The following PPTC7 variants were observed in gnomAD, a reference collection of about 807,000 sequenced individuals.
PPTC7 encodes the protein protein phosphatase PTC7 homolog.
PPTC7 carries 6 observed loss-of-function variants against 30.8 expected under a neutral mutation model. The ratio of observed to expected loss-of-function variants is 0.19; its 90% CI spans 0.11 to 0.38. The LOEUF (loss-of-function observed/expected upper bound fraction) is 0.38, where lower values mean the gene tolerates loss of function less well. Ranked by LOEUF, PPTC7 falls within the 10% of genes least tolerant of loss-of-function variation. PPTC7 has a pLI of 1.00. For missense variants in PPTC7, 218 were observed against 404.8 expected, an observed-to-expected ratio of 0.54 and a Z score of 3.96; for synonymous variants, 163 against 168.1, an observed-to-expected ratio of 0.97 and a Z score of 0.23.
chr12:110,560,512 TAAGA>T (rs1338356437), intron 1 of PPTC7, among the ~76,000 whole-genome samples: 1 of 152,168 alleles, frequency 6.6e-6, no homozygotes, highest in Non-Finnish European at 1.5e-5. Flanking sequence ...AGGCTTACTA[TAAGA>T]AAGACTTCTG....
In PPTC7 at chr12:110,536,144, T is replaced by G. The variant is rs919950610; in HGVS notation, c.*893A>C. The G allele has an allele frequency of 6.6e-6, 1 of 152,214 alleles. No individual in the cohort carries two copies. Among genetic ancestry groups the G allele is most frequent in the African/African-American group, 2.4e-5 (1 of 41,450 alleles). The allele number at this position is 152,214 out of a possible 1,614,324, so 9.4% of individuals were successfully genotyped here. A position where few individuals can be genotyped will look rare whatever the true frequency, so the allele number is the denominator to read the frequency against. On this transcript the variant is annotated 3_prime_UTR_variant, in exon 6 of 6. Coordinates refer to ENST00000354300, the MANE Select transcript of PPTC7 (RefSeq NM_139283.2). ...AGTTACAGCTGTCTGTTCTCAACCC[T>G]TCAGGCCTTGGGACCTAGAGTTCCC...
intron 1 of PPTC7, among the ~76,000 whole-genome samples, chr12:110,570,922 T>C (rs1442202837): frequency 4.6e-5 from 7 of 151,872 alleles, no homozygotes; most frequent in African/African-American, 1.7e-4. Context: ...CTATACTTTG[T>C]CTCTGTGTAT....
intron 2 of PPTC7, among the ~76,000 whole-genome samples, chr12:110,551,186 C>A (rs570955835): frequency 1.3e-5 from 2 of 152,188 alleles, no homozygotes; most frequent in Non-Finnish European, 2.9e-5. Context: ...TTTTGGTTCA[C>A]GTATTGTGCA....
chr12:110,555,862 A>G (rs2135776663), intron 1 of PPTC7, among the ~76,000 whole-genome samples: 1 of 152,380 alleles, frequency 6.6e-6, no homozygotes, highest in African/African-American at 2.4e-5. Context: ...AGATTTCACC[A>G]TAATTTAAAA....
chr12:110,539,993 AT>A, intron 3 of PPTC7, 48 bp from the exon 4 acceptor site: 1 of 1,581,490 alleles, frequency 6.3e-7, no homozygotes, highest in Non-Finnish European at 8.6e-7. Flanking sequence ...CCCTTTACAG[AT>A]GAGTTGAAAA....
intron 1 of PPTC7, among the ~76,000 whole-genome samples, chr12:110,582,309 G>C (rs557044075): frequency 9.8e-5 from 15 of 152,336 alleles, no homozygotes; most frequent in African/African-American, 3.4e-4. Context: ...CATCCAGGCG[G>C]CGAAAGAATA....
At chr12:110,572,428 G>C (rs1322253711) in intron 1 of PPTC7, among the ~76,000 whole-genome samples, 1 of 152,164 alleles carries the variant, frequency 6.6e-6, no homozygotes, top group Non-Finnish European at 1.5e-5. Flanking sequence ...GTGACAGAGT[G>C]AGACTCCGTC....
At chr12:110,542,017 G>GCGCCTATAATCCCAGCTACTT (rs1169876027) in intron 3 of PPTC7, among the ~76,000 whole-genome samples, 1 of 151,548 alleles carries the variant, frequency 6.6e-6, no homozygotes. Flanking sequence ...ATGGTGGCGT[G>GCGCCTATAATCCCAGCTACTT]CGCCTATAAT....
intron 3 of PPTC7, among the ~76,000 whole-genome samples, chr12:110,541,700 CAAA>C (rs748911395): frequency 1.2e-4 from 8 of 66,472 alleles, no homozygotes; most frequent in Admixed American, 1.7e-4. Context: ...AACTCCGTCT[CAAA>C]AAAAAAAAAA....
chr12:110,563,096 G>A (rs1390707063), intron 1 of PPTC7, among the ~76,000 whole-genome samples: 2 of 141,154 alleles, frequency 1.4e-5, no homozygotes, highest in African/African-American at 2.7e-5. Flanking sequence ...TCCAGCCTGG[G>A]CGACAGGGTG....
intron 1 of PPTC7, among the ~76,000 whole-genome samples, chr12:110,578,140 C>T (rs1319500262): frequency 1.3e-5 from 2 of 152,092 alleles, no homozygotes; most frequent in African/African-American, 4.8e-5. Flanking sequence ...GGCCTGTTTT[C>T]TCATCAGTGA....
chr12:110,580,977 C>T (rs2064632210), intron 1 of PPTC7, among the ~76,000 whole-genome samples: 1 of 151,792 alleles, frequency 6.6e-6, no homozygotes, highest in African/African-American at 2.4e-5. Context: ...GTCTTGAACT[C>T]TTGACCTCAT....
intron 1 of PPTC7, among the ~76,000 whole-genome samples, chr12:110,558,749 C>G (rs560059036): frequency 3.9e-5 from 6 of 152,058 alleles, no homozygotes; most frequent in East Asian, 1.9e-4. Context: ...CCTCAGCCCC[C>G]CAAGTAGCTA....
intron 1 of PPTC7, among the ~76,000 whole-genome samples, chr12:110,552,661 G>A: frequency 1.3e-5 from 2 of 152,166 alleles, no homozygotes; most frequent in East Asian, 3.9e-4. Context: ...TCAGGAGATC[G>A]AGACTGTCCT....
At chr12:110,576,993 C>T (rs949917730) in intron 1 of PPTC7, among the ~76,000 whole-genome samples, 5 of 151,748 alleles carry the variant, frequency 3.3e-5, no homozygotes, top group African/African-American at 1.2e-4. Context: ...ATGGTGAAAC[C>T]CCGTCTCTAC....
intron 1 of PPTC7, among the ~76,000 whole-genome samples, chr12:110,578,921 G>A (rs1358055343): frequency 6.6e-6 from 1 of 152,140 alleles, no homozygotes; most frequent in Non-Finnish European, 1.5e-5. Flanking sequence ...TGAGGCAGGT[G>A]GATGACATGA....
chr12:110,558,375 G>C (rs545857566), intron 1 of PPTC7, among the ~76,000 whole-genome samples: 3 of 152,188 alleles, frequency 2.0e-5, no homozygotes, highest in Non-Finnish European at 4.4e-5. Flanking sequence ...CTGAATTAAT[G>C]ACTAGAAGGG....
At chr12:110,553,216 C>T (rs1000891177) in intron 1 of PPTC7, among the ~76,000 whole-genome samples, 29 of 146,306 alleles carry the variant, frequency 2.0e-4, no homozygotes, top group African/African-American at 6.7e-4. Flanking sequence ...GGCGTGATCT[C>T]GGCTCACCGC....
At chr12:110,553,008 C>A (rs540807063) in intron 1 of PPTC7, among the ~76,000 whole-genome samples, 1 of 152,102 alleles carries the variant, frequency 6.6e-6, no homozygotes, top group East Asian at 2.0e-4. Flanking sequence ...ATGGTGAAAC[C>A]CCGTTTCTAC....
Sources: allele counts gnomAD v4.1 joint callset (sites outside exome capture counted in the v4.1 genomes callset), GRCh38; gene constraint gnomAD v4.1.1; transcripts MANE v1.5; gene names NCBI Gene and HGNC (gene_info 2026-07-23, HGNC 2026-07-21).